PRUNE2: variants seen among roughly 807,000 people sequenced by gnomAD.
PRUNE2 encodes the protein prune homolog 2 with BCH domain.
Under a neutral mutation model 252.0 loss-of-function variants are expected in PRUNE2, and 164 were observed. The ratio of observed to expected loss-of-function variants is 0.65; its 90% CI spans 0.57 to 0.74. The LOEUF (loss-of-function observed/expected upper bound fraction) is 0.74, where lower values mean the gene tolerates loss of function less well. Ranked by LOEUF, PRUNE2 falls within the 30% of genes least tolerant of loss-of-function variation. The pLI is 0.00. For missense variants in PRUNE2, 3,495 were observed against 3,711.0 expected (o/e 0.94, Z 1.51); for synonymous variants, 1,292 against 1,350.2 (o/e 0.96, Z 0.94).
At position 76,706,513 on chromosome 9, in the gene PRUNE2, T is replaced by G. The variant is rs773527471; in HGVS notation, c.5761A>C (p.Lys1921Gln). Residue 1921 changes from lysine to glutamine, a missense_variant, in exon 8 of 19, where the codon AAG (lysine) becomes CAG (glutamine). Physicochemically the swap from Lys to Gln is moderately conservative, Grantham distance 53 (BLOSUM62 1). Transcript: ENST00000376718. ...TCTAATTTTACAAGCTGGCTGAACTTGTCAGCATCTGGGTCTGGCTGCCTT... is the reference window on the plus strand; with the variant it reads ...TCTAATTTTACAAGCTGGCTGAACTGGTCAGCATCTGGGTCTGGCTGCCTT... ...QPRQPDPDAD[K>Q]FSQLVKLDQI... 6.2e-7 allele frequency: 1 copy of G among 1,614,034 alleles called. No homozygotes were observed. The highest frequency in any genetic ancestry group is 1.3e-5 in the African/African-American group (1 of 75,058).
At chr9:76,759,245 A>G (rs1288995639) in intron 6 of PRUNE2, 2 of 152,168 alleles carry the variant, frequency 1.3e-5, no homozygotes, top group East Asian at 3.9e-4. Flanking sequence ...TTTTTGTGTG[A>G]CTGTGAACTC....
At chr9:76,882,733 G>GC (rs2133322145) in intron 1 of PRUNE2, among the ~76,000 whole-genome samples, 1 of 152,244 alleles carries the variant, frequency 6.6e-6, no homozygotes, top group African/African-American at 2.4e-5. Context: ...TGAGAAATCT[G>GC]CCCCCATGAT....
At chr9:76,808,780 A>C (rs544764349) in intron 6 of PRUNE2, 1 of 153,156 alleles carries the variant, frequency 6.5e-6, no homozygotes, top group Admixed American at 6.5e-5. Flanking sequence ...CAGGCATCCC[A>C]GTCTCTGTTG....
chr9:76,774,450 C>CTTTTTTTT (rs869289049), intron 6 of PRUNE2, among the ~76,000 whole-genome samples: 2 of 41,404 alleles, frequency 4.8e-5, no homozygotes, highest in African/African-American at 1.9e-4. Flanking sequence ...CAGTTCAACC[C>CTTTTTTTT]TTTTTTTTTT....
At chr9:76,726,025 C>A (rs573461858) in intron 6 of PRUNE2, among the ~76,000 whole-genome samples, 1 of 152,356 alleles carries the variant, frequency 6.6e-6, no homozygotes, top group Admixed American at 6.5e-5. Context: ...ATATGCAGGT[C>A]GTCCTGCCTC....
intron 5 of PRUNE2, among the ~76,000 whole-genome samples, chr9:76,824,866 C>T (rs1323194592): frequency 6.6e-6 from 1 of 152,156 alleles, no homozygotes; most frequent in East Asian, 1.9e-4. Context: ...CACAATGCAG[C>T]GTAAAATGAT....
rs144893039 is a variant in PRUNE2, at chr9:76,716,670, TTTTAA to T, written c.757-2954_757-2950del. 4.9e-3 allele frequency among the ~76,000 whole-genome samples: 742 copies of T among 152,286 alleles called. 8 individuals are homozygous for T. Among genetic ancestry groups the T allele is most frequent in the African/African-American group, 0.017 (724 of 41,534 alleles). On this transcript the variant is annotated intron_variant, in intron 6 of 18. Coordinates refer to ENST00000376718, the MANE Select transcript of PRUNE2 (RefSeq NM_015225.3). ...TTCAGAATGGTATAGGTATGTTTATTTTTAATTTAATTTAATTTTTAAAATTTTGT... is the reference window on the plus strand; with the variant it reads ...TTCAGAATGGTATAGGTATGTTTATTTTTAATTTAATTTTTAAAATTTTGT...
At chr9:76,646,400 C>T (rs1844857824) in intron 11 of PRUNE2, among the ~76,000 whole-genome samples, 3 of 152,318 alleles carry the variant, frequency 2.0e-5, no homozygotes, top group Admixed American at 1.3e-4. Context: ...AAATGAAGTT[C>T]GGTTGGGAAG....
chr9:76,788,759 G>C (rs988793518), intron 6 of PRUNE2, among the ~76,000 whole-genome samples: 9 of 152,158 alleles, frequency 5.9e-5, no homozygotes, highest in Non-Finnish European at 1.0e-4. Context: ...ACTCATATTT[G>C]CAAGTAGAGA....
intron 7 of PRUNE2, among the ~76,000 whole-genome samples, chr9:76,712,831 A>T (rs899598942): frequency 6.6e-6 from 1 of 152,130 alleles, no homozygotes; most frequent in African/African-American, 2.4e-5. Context: ...ATGGGTCAAG[A>T]GAGCTACAGT....
rs552103007 is a variant in PRUNE2 at position 76,698,614 on chromosome 9, T to C, written c.8276+4723A>G. 1.1e-4 allele frequency among the ~76,000 whole-genome samples: 16 copies of C among 152,228 alleles called. No homozygotes were observed. In the South Asian group the frequency reaches 3.1e-3, roughly 30 times the overall value. ...TCTCAGGGTTCCCATTATCCAACAC[T>C]GAGAGAAAGAGTCAACTGATTTTTA... On this transcript the variant is annotated intron_variant, in intron 9 of 18. Transcript: ENST00000376718.
intron 1 of PRUNE2, among the ~76,000 whole-genome samples, chr9:76,860,509 C>T (rs577617346): frequency 1.3e-5 from 2 of 152,274 alleles, no homozygotes; most frequent in African/African-American, 4.8e-5. Flanking sequence ...GGCAGATTTC[C>T]GTTACTGTTA....
chr9:76,888,217 G>A (rs1419526634), intron 1 of PRUNE2, among the ~76,000 whole-genome samples: 2 of 152,180 alleles, frequency 1.3e-5, no homozygotes, highest in South Asian at 2.1e-4. Context: ...GAAAGCAAAC[G>A]CGAAGGCCAT....
intron 6 of PRUNE2, among the ~76,000 whole-genome samples, chr9:76,729,657 T>G (rs1013807501): frequency 6.6e-6 from 1 of 152,128 alleles, no homozygotes; most frequent in African/African-American, 2.4e-5. Context: ...AAAGAAATGT[T>G]TTATTATAAA....
intron 9 of PRUNE2, among the ~76,000 whole-genome samples, chr9:76,679,187 T>A (rs2043150655): frequency 1.3e-5 from 2 of 152,332 alleles, no homozygotes; most frequent in South Asian, 4.1e-4. Flanking sequence ...TTGATTTAGG[T>A]AGGGATAGGG....
intron 4 of PRUNE2, among the ~76,000 whole-genome samples, chr9:76,841,963 T>A (rs972622262): frequency 2.0e-5 from 3 of 152,184 alleles, no homozygotes; most frequent in African/African-American, 2.4e-5. Context: ...AAGCTACCAC[T>A]GACTTTCTTC....
At chr9:76,780,362 T>C (rs1406234122) in intron 6 of PRUNE2, among the ~76,000 whole-genome samples, 3 of 152,062 alleles carry the variant, frequency 2.0e-5, no homozygotes, top group Non-Finnish European at 4.4e-5. Context: ...AGAGACCATT[T>C]AGTCTGGCCA....
chr9:76,726,080 C>T (rs1304266676), intron 6 of PRUNE2, among the ~76,000 whole-genome samples: 1 of 152,174 alleles, frequency 6.6e-6, no homozygotes, highest in Non-Finnish European at 1.5e-5. Context: ...AGCCAACTGG[C>T]ATCCTCTACA....
At chr9:76,842,286 T>C (rs953358040) in intron 4 of PRUNE2, among the ~76,000 whole-genome samples, 6 of 152,178 alleles carry the variant, frequency 3.9e-5, no homozygotes, top group African/African-American at 2.4e-5. Flanking sequence ...TGGCTAGCCA[T>C]ATGCAGAAAA....
Sources: allele counts gnomAD v4.1 joint callset (sites outside exome capture counted in the v4.1 genomes callset), GRCh38; gene constraint gnomAD v4.1.1; transcripts MANE v1.5; gene names NCBI Gene and HGNC (gene_info 2026-07-23, HGNC 2026-07-21).